Variants in LAMB1 observed in about 807,000 individuals in gnomAD.
LAMB1 encodes laminin subunit beta-1.
LAMB1 carries 121 observed loss-of-function variants against 222.3 expected under a neutral mutation model. That is an observed-to-expected ratio of 0.54 (90% CI 0.47 to 0.63). The LOEUF (loss-of-function observed/expected upper bound fraction) is 0.63, where lower values mean the gene tolerates loss of function less well. LAMB1 is among the 30% of genes least tolerant of loss of function. LAMB1 has a pLI of 0.00. For synonymous variants in LAMB1, 794 were observed against 807.2 expected, an observed-to-expected ratio of 0.98 and a Z score of 0.28; for missense variants, 2,172 against 2,240.8, an observed-to-expected ratio of 0.97 and a Z score of 0.62.
Position 107,940,402 on chromosome 7 carries a change from A to AC in LAMB1, c.3392-45dup, listed in dbSNP as rs759774426. On this transcript the variant is annotated intron_variant, in intron 24 of 33. Coordinates refer to ENST00000222399, the MANE Select transcript of LAMB1 (RefSeq NM_002291.3). Reference sequence around the variant, plus strand: ...TGCTAGCTGATCTACTTAATCATGAACCTCAGTGACAAGATGTGGCATTTA... The same window carrying AC: ...TGCTAGCTGATCTACTTAATCATGAACCCTCAGTGACAAGATGTGGCATTTA... 5.7e-5 allele frequency: 89 copies of AC among 1,570,542 alleles called. No individual in the cohort carries two copies. The African/African-American group carries it at 1.1e-3, about 20-fold the overall frequency.
chr7:107,935,347 G>GTTTTTTTTTTT lies in LAMB1; in HGVS notation c.4188+57_4188+67dup, dbSNP rs200599445. On this transcript the variant is annotated intron_variant, in intron 27 of 33. Transcript: ENST00000222399. ...GACAAAAGATGGTTTGTTTTTCTTTGTTTTTTTTTTTTTTTTTTTTTTTTT... is the reference window on the plus strand; with the variant it reads ...GACAAAAGATGGTTTGTTTTTCTTTGTTTTTTTTTTTTTTTTTTTTTTTTTTTTTTTTTTTT... 238 of 1,173,232 alleles carry GTTTTTTTTTTT rather than the reference G, an allele frequency of 2.0e-4. 17 individuals carry two copies. Among genetic ancestry groups the GTTTTTTTTTTT allele is most frequent in the African/African-American group, 1.5e-3 (61 of 41,526 alleles). The allele number at this position is 1,173,232 out of a possible 1,614,324, so 72.7% of individuals were successfully genotyped here.
chr7:107,997,931 CTT>C (rs991628811), intron 4 of LAMB1, among the ~76,000 whole-genome samples: 1 of 151,956 alleles, frequency 6.6e-6, no homozygotes, highest in Non-Finnish European at 1.5e-5. Context: ...TATCAAGACA[CTT>C]TCTGTAGATG....
In LAMB1 at chr7:108,002,380, T is replaced by A. The variant is rs145170720; in HGVS notation, c.37+469A>T. 238 of 1,316,568 alleles carry A rather than the reference T, an allele frequency of 1.8e-4. 1 individual carries two copies. In the African/African-American group the frequency reaches 3.1e-3, roughly 17 times the overall value. 81.6% of individuals were successfully genotyped at this position (1,316,568 alleles called of 1,614,324 possible). A position where few individuals can be genotyped will look rare whatever the true frequency, so the allele number is the denominator to read the frequency against. ...ATTCCAGGGAAGCGCCAGGTCCTGCTGTTTCTGGTGCCATCCGGAGACAAA... is the reference window on the plus strand; with the variant it reads ...ATTCCAGGGAAGCGCCAGGTCCTGCAGTTTCTGGTGCCATCCGGAGACAAA... On this transcript the variant is annotated intron_variant, in intron 2 of 33. Coordinates refer to ENST00000222399, the MANE Select transcript of LAMB1 (RefSeq NM_002291.3).
rs2033829132 is a variant in LAMB1, at chr7:107,975,298, T to G, written c.1305A>C (p.Glu435Asp). The stretch of plus-strand genomic sequence containing the variant: ...AGCCTTCTTTGCAAACATCACAATG[T>G]TCTCCTTCCACATTTAATTTACACC... ...QCRCKLNVEG[E>D]HCDVCKEGFY... The change falls in exon 11 of 34, where the codon GAA becomes GAC. Residue 435 changes from glutamate (E) to aspartate (D), a missense_variant. Physicochemically the swap from Glu to Asp is conservative, Grantham distance 45. Transcript: ENST00000222399. 6.2e-7 allele frequency: 1 copy of G among 1,613,992 alleles called. No individual in the cohort carries two copies. The highest frequency in any genetic ancestry group is 8.5e-7 in the Non-Finnish European group (1 of 1,179,988).
Position 108,002,903 on chromosome 7 carries a change from A to G in LAMB1, c.-18T>C, listed in dbSNP as rs1477086125. On this transcript the variant is annotated 5_prime_UTR_variant, in exon 2 of 34. Transcript: ENST00000222399. Reference sequence around the variant, plus strand: ...AGCCCCATGCCGGCTCCCTGCAGCCACGGGGACGCGGCAGAGGAGTGGAGA... The same window carrying G: ...AGCCCCATGCCGGCTCCCTGCAGCCGCGGGGACGCGGCAGAGGAGTGGAGA... The G allele has an allele frequency of 6.2e-7, 1 of 1,613,604 alleles. No homozygotes were observed. The highest frequency in any genetic ancestry group is 1.1e-5 in the South Asian group (1 of 91,008).
chr7:108,002,197 T>C, intron 2 of LAMB1: 17 of 1,372,988 alleles, frequency 1.2e-5, no homozygotes, highest in Non-Finnish European at 1.6e-5. Flanking sequence ...TGGAGATCTG[T>C]GAGCTTGGGA....
chr7:107,978,055 G>A lies in LAMB1; in HGVS notation c.992C>T (p.Ala331Val). ...WRPAEGRNSN[A>V]CKKCNCNEHS... is the part of the protein sequence containing the mutation. ...CTTCAACACAGACTTACTTTTACAG[G>A]CGTTGCTGTTTCGGCCTTCAGCAGG... The change falls in exon 9 of 34, where the codon GCC (alanine) becomes GTC (valine). Residue 331 changes from alanine to valine, a missense_variant. Ala to Val is a moderately conservative substitution (Grantham distance 64). Coordinates refer to ENST00000222399, the MANE Select transcript of LAMB1 (RefSeq NM_002291.3). 1 of 1,614,134 alleles carries A rather than the reference G, an allele frequency of 6.2e-7. No individual in the cohort carries two copies. The highest frequency in any genetic ancestry group is 2.2e-5 in the East Asian group (1 of 44,886).
chr7:107,941,642 C>G (rs1459839047), intron 24 of LAMB1, among the ~76,000 whole-genome samples: 2 of 141,466 alleles, frequency 1.4e-5, no homozygotes, highest in African/African-American at 2.6e-5. Context: ...ACAACAGATT[C>G]ATGCTTTCTC....
intron 13 of LAMB1, among the ~76,000 whole-genome samples, chr7:107,967,203 T>A (rs577721796): frequency 6.6e-6 from 1 of 152,364 alleles, no homozygotes; most frequent in East Asian, 1.9e-4. Context: ...CTTCTCATGG[T>A]ATAGGTGAGA....
rs2032867281 is a variant in LAMB1 at position 107,937,161 on chromosome 7, T to C, written c.3878A>G (p.Glu1293Gly). ...TTCTTTCACAGTGTTGTCTAGGCTT[T>C]CGGCTTCTGTCTGTAGAGAATCCAG... ...KELDSLQTEA[E>G]SLDNTVKELA... Residue 1293 changes from glutamate to glycine, a missense_variant, in exon 26 of 34, where the codon GAA (glutamate) becomes GGA (glycine). By Grantham distance (98) the Glu-to-Gly change is moderately conservative. Coordinates refer to ENST00000222399, the MANE Select transcript of LAMB1 (RefSeq NM_002291.3). 3 of 1,614,066 alleles carry C rather than the reference T, an allele frequency of 1.9e-6. No individual in the cohort carries two copies. The highest frequency in any genetic ancestry group is 2.5e-6 in the Non-Finnish European group (3 of 1,180,002).
chr7:107,994,853 T>C (rs996350270), intron 5 of LAMB1, 34 bp downstream of exon 5: 2 of 1,221,908 alleles, frequency 1.6e-6, no homozygotes, highest in Non-Finnish European at 2.4e-6. Flanking sequence ...AGTGCTCTCA[T>C]GTGTCATTTG....
In LAMB1 at chr7:107,980,736, C is replaced by T; in HGVS notation, c.752G>A (p.Arg251Lys). 6.2e-7 allele frequency: 1 copy of T among 1,612,966 alleles called. No homozygotes were observed. The highest frequency in any genetic ancestry group is 8.5e-7 in the Non-Finnish European group (1 of 1,178,944). ...ATAATACTTTTCTCTGATTTCCATC[C>T]TGGAATCCAGAAGGTTATCTCCCAA... Reference protein sequence around the residue: ...HTLGDNLLDSRMEIREKYYYA... With the variant: ...HTLGDNLLDSKMEIREKYYYA... Residue 251 changes from arginine (R) to lysine (K), a missense_variant, in exon 8 of 34, where the codon AGG (arginine) becomes AAG (lysine). Transcript: ENST00000222399.
In LAMB1 at chr7:107,924,030, A is replaced by G. The variant is rs1295062078; in HGVS notation, c.5282T>C (p.Leu1761Ser). ...QRYLEDKAQE[L>S]ARLEGEVRSL... Reference sequence around the variant, plus strand: ...ACGGACTTCTCCTTCCAGTCTTGCTAATTCTTGAGCTTTATCTTCTAAGTA... The same window carrying G: ...ACGGACTTCTCCTTCCAGTCTTGCTGATTCTTGAGCTTTATCTTCTAAGTA... Residue 1761 changes from leucine (L) to serine (S), a missense_variant, in exon 34 of 34, where the codon TTA becomes TCA. Physicochemically the swap from Leu to Ser is moderately radical, Grantham distance 145 (BLOSUM62 -2). Transcript: ENST00000222399. 6.3e-7 allele frequency: 1 copy of G among 1,591,778 alleles called. No homozygotes were observed. Among genetic ancestry groups the G allele is most frequent in the Non-Finnish European group, 8.5e-7 (1 of 1,174,634 alleles).
intron 20 of LAMB1, among the ~76,000 whole-genome samples, chr7:107,958,008 T>C (rs1391425669): frequency 6.6e-6 from 1 of 152,126 alleles, no homozygotes; most frequent in Non-Finnish European, 1.5e-5. Flanking sequence ...CATTCTACAG[T>C]GTGAGTGCTG....
chr7:108,003,083 A>C, intron 1 of LAMB1, 28 bp downstream of exon 1: 1 of 1,213,388 alleles, frequency 8.2e-7, no homozygotes, highest in South Asian at 1.7e-5. Context: ...AAGTGGGGAA[A>C]ATCGTGCAGC....
Position 107,998,351 on chromosome 7 carries a change from A to G in LAMB1, c.349+6T>C. 1 of 1,613,922 alleles carries G rather than the reference A, an allele frequency of 6.2e-7. No individual in the cohort carries two copies. Among genetic ancestry groups the G allele is most frequent in the Non-Finnish European group, 8.5e-7 (1 of 1,179,938 alleles). ...AACGGAACTTGTCCCCACACCAACCACATACCATTTTCAGATTGCCACCAA... is the reference window on the plus strand; with the variant it reads ...AACGGAACTTGTCCCCACACCAACCGCATACCATTTTCAGATTGCCACCAA... On this transcript the variant is annotated splice_donor_region_variant and intron_variant, in intron 4 of 33. Transcript: ENST00000222399.
intron 33 of LAMB1, 23 bp from the exon 34 acceptor site, chr7:107,924,110 A>ATC: frequency 6.5e-7 from 1 of 1,529,354 alleles, no homozygotes; most frequent in Admixed American, 2.3e-5. Flanking sequence ...ATATATATAT[A>ATC]AAGTCTGAGC....
intron 14 of LAMB1, 33 bp downstream of exon 14, chr7:107,964,519 C>T (rs772472598): frequency 6.2e-7 from 1 of 1,613,614 alleles, no homozygotes. Context: ...CAAAACACTG[C>T]TTTACCGACC....
intron 12 of LAMB1, among the ~76,000 whole-genome samples, chr7:107,973,463 AC>A (rs1355052495): frequency 1.2e-4 from 18 of 152,260 alleles, no homozygotes; most frequent in Admixed American, 3.9e-4. Flanking sequence ...TCAATCCCAT[AC>A]AGAAAGCCCT....
Sources: gnomAD v4.1 joint callset for allele counts (sites outside exome capture counted in the v4.1 genomes callset) on GRCh38, gnomAD v4.1.1 for gene constraint, MANE v1.5 for transcripts, NCBI Gene and HGNC (gene_info 2026-07-23, HGNC 2026-07-21) for gene names.